The following LIMCH1 variants were observed in gnomAD, a reference collection of about 807,000 sequenced individuals.
LIMCH1 encodes LIM and calponin homology domains 1.
Under a neutral mutation model 176.5 loss-of-function variants are expected in LIMCH1, and 113 were observed. The observed-to-expected ratio is 0.64, with a 90% confidence interval of 0.55 to 0.75. The LOEUF is 0.75. Among genes scored for constraint, LIMCH1 ranks in the 30% least tolerant of loss-of-function variants. The probability of loss-of-function intolerance (pLI) is 0.00; values close to 1 mark genes in which losing one functional copy is unlikely to be tolerated. For missense variants in LIMCH1, 1,674 were observed against 1,814.9 expected, an observed-to-expected ratio of 0.92 and a Z score of 1.41; for synonymous variants, 619 against 645.9, an observed-to-expected ratio of 0.96 and a Z score of 0.63.
chr4:41,611,285 T>G (rs1435498407), intron 4 of LIMCH1, among the ~76,000 whole-genome samples: 3 of 152,222 alleles, frequency 2.0e-5, no homozygotes, highest in African/African-American at 7.2e-5. Flanking sequence ...GTAGTAGGAT[T>G]GGCCATCTAG....
At chr4:41,652,158 C>T (rs534786264) in intron 18 of LIMCH1, among the ~76,000 whole-genome samples, 7 of 152,264 alleles carry the variant, frequency 4.6e-5, no homozygotes, top group East Asian at 1.9e-4. Flanking sequence ...GGGAGCTGAG[C>T]GTTGTGTGAC....
chr4:41,671,462 A>G, intron 21 of LIMCH1, 92 bp from the exon 22 acceptor site: 1 of 943,398 alleles, frequency 1.1e-6, no homozygotes, highest in Non-Finnish European at 1.7e-6. Context: ...AAGCTGATGT[A>G]GGAACTATAC....
intron 7 of LIMCH1, among the ~76,000 whole-genome samples, chr4:41,622,001 T>A (rs2092617084): frequency 6.6e-6 from 1 of 152,104 alleles, no homozygotes; most frequent in Non-Finnish European, 1.5e-5. Flanking sequence ...ACTAAGGATA[T>A]ACTTCCTCCT....
intron 1 of LIMCH1, among the ~76,000 whole-genome samples, chr4:41,408,302 G>A (rs1031408777): frequency 3.3e-5 from 5 of 152,132 alleles, no homozygotes; most frequent in African/African-American, 1.2e-4. Flanking sequence ...CCCACTCAGT[G>A]CAGTAAAAGA....
Position 41,619,653 on chromosome 4 carries a change from G to T in LIMCH1, c.458+213G>T, listed in dbSNP as rs1434895025. 2.2e-5 allele frequency: 13 copies of T among 604,340 alleles called. No homozygotes were observed. In the East Asian group the frequency reaches 3.7e-4, roughly 17 times the overall value. The allele number at this position is 604,340 out of a possible 1,614,324, so 37.4% of individuals were successfully genotyped here. On this transcript the variant is annotated intron_variant, in intron 6 of 31. Coordinates refer to ENST00000503057, the MANE Select transcript of LIMCH1 (RefSeq NM_001330672.2). ...TAGAACAGTGCCTGGCACACAGTAGGTATTCAGCAACTACTTGTCTAAATA... is the reference window on the plus strand; with the variant it reads ...TAGAACAGTGCCTGGCACACAGTAGTTATTCAGCAACTACTTGTCTAAATA...
At chr4:41,600,633 C>CCTAGGTCTG (rs2089750458) in intron 2 of LIMCH1, among the ~76,000 whole-genome samples, 2 of 151,954 alleles carry the variant, frequency 1.3e-5, no homozygotes, top group Non-Finnish European at 2.9e-5. Context: ...AGGATCTAGC[C>CCTAGGTCTG]CTAGGTCTGC....
At chr4:41,499,935 C>A (rs2072949360) in intron 2 of LIMCH1, among the ~76,000 whole-genome samples, 1 of 152,204 alleles carries the variant, frequency 6.6e-6, no homozygotes, top group Non-Finnish European at 1.5e-5. Flanking sequence ...TCTTTCATGA[C>A]ATTAACATGT....
chr4:41,549,324 A>G (rs1255256324), intron 1 of LIMCH1, among the ~76,000 whole-genome samples: 1 of 152,146 alleles, frequency 6.6e-6, no homozygotes, highest in Non-Finnish European at 1.5e-5. Flanking sequence ...CAGTAACCCA[A>G]AAAAGTAGAT....
At chr4:41,574,256 TCCCCTCCCCTCCCCTCCCCTCCCCTCCCC>T (rs2084058780) in intron 1 of LIMCH1, among the ~76,000 whole-genome samples, 1 of 1,952 alleles carries the variant, frequency 5.1e-4, no homozygotes, top group African/African-American at 2.5e-3. Flanking sequence ...TCCCCTCCCC[TCCCCTCCCCTCCCCTCCCCTCCCCTCCCC>T]TCCCCTCCCC....
chr4:41,630,644 A>G (rs1436425714), intron 9 of LIMCH1, among the ~76,000 whole-genome samples: 1 of 152,208 alleles, frequency 6.6e-6, no homozygotes, highest in Admixed American at 6.5e-5. Flanking sequence ...AGTGTTAATG[A>G]AAAAGCAATT....
At position 41,411,523 on chromosome 4, in the gene LIMCH1, A is replaced by G. The variant is rs533743984; in HGVS notation, c.96+50587A>G. ...TGCCCAGCTTGCTGTTTTTCTTTTTATCAGGAAGTTCCCTTGAAGCTTTAA... is the reference window on the plus strand; with the variant it reads ...TGCCCAGCTTGCTGTTTTTCTTTTTGTCAGGAAGTTCCCTTGAAGCTTTAA... On this transcript the variant is annotated intron_variant, in intron 1 of 26. Coordinates refer to the LIMCH1 transcript ENST00000313860. Among the ~76,000 whole-genome samples, 26 of 151,980 alleles carry G rather than the reference A, an allele frequency of 1.7e-4. No homozygotes were observed. In the South Asian group the frequency reaches 3.7e-3, roughly 22 times the overall value.
At chr4:41,512,323 C>T (rs566673730) in intron 2 of LIMCH1, among the ~76,000 whole-genome samples, 1 of 152,148 alleles carries the variant, frequency 6.6e-6, no homozygotes, top group East Asian at 1.9e-4. Context: ...ATGACACAGC[C>T]ATTTTGGAAA....
intron 1 of LIMCH1, among the ~76,000 whole-genome samples, chr4:41,385,082 C>T (rs1561199156): frequency 6.6e-6 from 1 of 152,190 alleles, no homozygotes; most frequent in Non-Finnish European, 1.5e-5. Flanking sequence ...TCTTTGTCCT[C>T]TTGAAGTTGG....
intron 1 of LIMCH1, among the ~76,000 whole-genome samples, chr4:41,424,273 A>C (rs1169741374): frequency 1.3e-5 from 2 of 152,114 alleles, no homozygotes; most frequent in African/African-American, 4.8e-5. Context: ...ATACAGCAAA[A>C]GTAAATTGAG....
intron 1 of LIMCH1, among the ~76,000 whole-genome samples, chr4:41,475,374 T>C (rs1440274501): frequency 6.6e-6 from 1 of 152,224 alleles, no homozygotes; most frequent in Non-Finnish European, 1.5e-5. Context: ...AGTCCTATAA[T>C]GTATGTCATA....
intron 1 of LIMCH1, among the ~76,000 whole-genome samples, chr4:41,374,159 G>T (rs1260908932): frequency 6.6e-6 from 1 of 152,138 alleles, no homozygotes; most frequent in African/African-American, 2.4e-5. Context: ...TTGACCAAGG[G>T]TGTCTGTGAG....
rs72624137 is a variant in LIMCH1, at chr4:41,680,356, A to G, written c.3612+258A>G. On this transcript the variant is annotated intron_variant, in intron 24 of 31. Coordinates refer to ENST00000503057, the MANE Select transcript of LIMCH1 (RefSeq NM_001330672.2). Reference sequence around the variant, plus strand: ...ATACAATTACATCTGTTCTCTAATCAGTGAGTCAGATTCTTGATTGATTTT... The same window carrying G: ...ATACAATTACATCTGTTCTCTAATCGGTGAGTCAGATTCTTGATTGATTTT... Among the ~76,000 whole-genome samples, 5,752 of 152,332 alleles carry G rather than the reference A, an allele frequency of 0.038. 115 individuals carry two copies. Among genetic ancestry groups the G allele is most frequent in the East Asian group, 0.08 (416 of 5,180 alleles).
rs751507656 is a variant in LIMCH1, at chr4:41,646,901, A to G, written c.2820+8A>G. On this transcript the variant is annotated splice_region_variant and intron_variant, in intron 17 of 31. Coordinates refer to ENST00000503057, the MANE Select transcript of LIMCH1 (RefSeq NM_001330672.2). ...GTTCTGAAGACCTTTAAGGTAGGAC[A>G]AGTTCCTTAAGAGTAGAACCAAAGC... 6.2e-7 allele frequency: 1 copy of G among 1,604,382 alleles called. No individual in the cohort carries two copies. The highest frequency in any genetic ancestry group is 2.2e-5 in the East Asian group (1 of 44,624).
chr4:41,503,925 C>T (rs573719265), intron 2 of LIMCH1, among the ~76,000 whole-genome samples: 2 of 152,316 alleles, frequency 1.3e-5, no homozygotes, highest in South Asian at 2.1e-4. Flanking sequence ...GTGGCTGCCA[C>T]GTTTCCCAAC....
Sources: allele counts gnomAD v4.1 joint callset (sites outside exome capture counted in the v4.1 genomes callset), GRCh38; gene constraint gnomAD v4.1.1; transcripts MANE v1.5; gene names NCBI Gene and HGNC (gene_info 2026-07-23, HGNC 2026-07-21).